Variants in SLCO1A2 observed in about 807,000 individuals in gnomAD.
SLCO1A2 encodes OATP-1.
SLCO1A2 carries 67 observed loss-of-function variants against 69.0 expected under a neutral mutation model. The observed-to-expected ratio is 0.97, with a 90% CI of 0.80 to 1.19. The LOEUF (loss-of-function observed/expected upper bound fraction) is 1.19. Among genes scored for constraint, SLCO1A2 ranks in the 50% most tolerant of loss-of-function variants. The pLI is 0.00. For missense variants in SLCO1A2, 787 were observed against 793.7 expected (o/e 0.99, Z 0.10); for synonymous variants, 260 against 265.9 (o/e 0.98, Z 0.22).
chr12:21,363,860 C>T (rs896467182), intron 2 of SLCO1A2, among the ~76,000 whole-genome samples: 1 of 152,144 alleles, frequency 6.6e-6, no homozygotes, highest in Non-Finnish European at 1.5e-5. Context: ...GAAGCTGAAT[C>T]CCTGAATAGA....
chr12:21,330,127 T>A (rs765446527), intron 2 of SLCO1A2, among the ~76,000 whole-genome samples: 53 of 152,160 alleles, frequency 3.5e-4, no homozygotes, highest in Admixed American at 6.6e-4. Context: ...ATAACAGACA[T>A]ACAGACAAAA....
At chr12:21,407,176 T>C (rs1941835115) in intron 1 of SLCO1A2, among the ~76,000 whole-genome samples, 1 of 152,122 alleles carries the variant, frequency 6.6e-6, no homozygotes, top group Non-Finnish European at 1.5e-5. Flanking sequence ...GATGAAATAA[T>C]GCTTGAAATG....
chr12:21,283,084 G>A (rs535033092), intron 12 of SLCO1A2, among the ~76,000 whole-genome samples: 1 of 152,044 alleles, frequency 6.6e-6, no homozygotes, highest in African/African-American at 2.4e-5. Flanking sequence ...TCCTAATATG[G>A]AACCACAAAA....
intron 1 of SLCO1A2, among the ~76,000 whole-genome samples, chr12:21,393,256 A>G (rs1319614895): frequency 1.3e-5 from 2 of 152,220 alleles, no homozygotes. Flanking sequence ...AGCAATAAGT[A>G]GAACACAGCC....
intron 2 of SLCO1A2, among the ~76,000 whole-genome samples, chr12:21,361,146 G>A (rs1266496109): frequency 1.4e-5 from 2 of 144,420 alleles, no homozygotes; most frequent in Non-Finnish European, 3.0e-5. Context: ...AGTAGGGGCC[G>A]ACAGACACCT....
chr12:21,331,398 A>G (rs1299703759), intron 2 of SLCO1A2, among the ~76,000 whole-genome samples: 1 of 152,046 alleles, frequency 6.6e-6, no homozygotes, highest in East Asian at 1.9e-4. Context: ...TCTTTTTTTC[A>G]GTTATGAGGA....
chr12:21,412,597 TTCAC>T (rs1213877121), intron 1 of SLCO1A2, among the ~76,000 whole-genome samples: 1 of 152,198 alleles, frequency 6.6e-6, no homozygotes, highest in East Asian at 1.9e-4. Flanking sequence ...TTTGCCTTTC[TTCAC>T]CTTTGAAAGG....
intron 1 of SLCO1A2, among the ~76,000 whole-genome samples, chr12:21,403,124 C>T (rs1225698518): frequency 6.6e-6 from 1 of 152,040 alleles, no homozygotes; most frequent in East Asian, 1.9e-4. Context: ...CAACATTATC[C>T]GGAATCATTT....
chr12:21,418,733 T>C (rs1017204230), upstream of SLCO1A2, among the ~76,000 whole-genome samples: 4 of 151,984 alleles, frequency 2.6e-5, no homozygotes, highest in Non-Finnish European at 5.9e-5. Flanking sequence ...AAGATGAGAT[T>C]TGGATGCAGA....
chr12:21,362,779 A>C (rs1057395566), intron 2 of SLCO1A2, among the ~76,000 whole-genome samples: 3 of 152,230 alleles, frequency 2.0e-5, no homozygotes, highest in Non-Finnish European at 2.9e-5. Flanking sequence ...CTTTAAACCA[A>C]TAAAGATCAA....
chr12:21,356,935 A>AT (rs1938412844), intron 2 of SLCO1A2, among the ~76,000 whole-genome samples: 1 of 152,184 alleles, frequency 6.6e-6, no homozygotes, highest in South Asian at 2.1e-4. Context: ...AATAGATTAT[A>AT]TACTAGATTA....
intron 2 of SLCO1A2, among the ~76,000 whole-genome samples, chr12:21,353,926 A>G (rs1365732361): frequency 1.3e-5 from 2 of 152,190 alleles, no homozygotes; most frequent in Non-Finnish European, 2.9e-5. Context: ...CTCTCCCAGC[A>G]GTGTGGCAGC....
chr12:21,292,719 T>C (rs921823944), intron 11 of SLCO1A2, among the ~76,000 whole-genome samples: 1 of 152,004 alleles, frequency 6.6e-6, no homozygotes, highest in Admixed American at 6.6e-5. Context: ...CCCTAGCCTC[T>C]GGGGTAGCTG....
intron 2 of SLCO1A2, among the ~76,000 whole-genome samples, chr12:21,319,189 C>T (rs1331370466): frequency 6.6e-6 from 1 of 152,198 alleles, no homozygotes; most frequent in Non-Finnish European, 1.5e-5. Context: ...AACAAACAGT[C>T]ATTCTAAGTA....
chr12:21,415,428 TTTTTA>T (rs1233885725), intron 1 of SLCO1A2, among the ~76,000 whole-genome samples: 4 of 152,154 alleles, frequency 2.6e-5, no homozygotes, highest in East Asian at 1.9e-4. Context: ...TTTTTCTTCC[TTTTTA>T]TTTAAGTATT....
At chr12:21,352,365 C>A (rs1222392492) in intron 2 of SLCO1A2, among the ~76,000 whole-genome samples, 1 of 152,154 alleles carries the variant, frequency 6.6e-6, no homozygotes, top group Admixed American at 6.5e-5. Context: ...TCTGTAAAAT[C>A]TCAATTAATC....
intron 1 of SLCO1A2, among the ~76,000 whole-genome samples, chr12:21,383,001 C>G (rs1353199891): frequency 6.6e-6 from 1 of 152,074 alleles, no homozygotes; most frequent in Non-Finnish European, 1.5e-5. Flanking sequence ...AATGTCAGAC[C>G]ATGCCAAATC....
At chr12:21,342,780 GAATT>G (rs1355220682) in intron 2 of SLCO1A2, among the ~76,000 whole-genome samples, 4 of 151,870 alleles carry the variant, frequency 2.6e-5, no homozygotes, top group African/African-American at 4.8e-5. Context: ...CCTTTTTTGA[GAATT>G]AATTAATATT....
At chr12:21,331,248 G>T (rs1349197458) in intron 2 of SLCO1A2, among the ~76,000 whole-genome samples, 1 of 144,170 alleles carries the variant, frequency 6.9e-6, no homozygotes, top group Non-Finnish European at 1.5e-5. Context: ...CAAGTCATTT[G>T]ATGGCTTCTC....
Sources: gnomAD v4.1 joint callset for allele counts (sites outside exome capture counted in the v4.1 genomes callset) on GRCh38, gnomAD v4.1.1 for gene constraint, MANE v1.5 for transcripts, NCBI Gene and HGNC (gene_info 2026-07-23, HGNC 2026-07-21) for gene names.